The following CHD6 variants were observed in gnomAD, a reference collection of about 807,000 sequenced individuals.
The protein encoded by CHD6 is chromodomain helicase DNA binding protein 6.
Under a neutral mutation model 276.9 loss-of-function variants are expected in CHD6, and 50 were observed. That is an observed-to-expected ratio of 0.18 (90% CI 0.14 to 0.23). The LOEUF is 0.23. CHD6 is among the 10% of genes least tolerant of loss of function. The pLI is 1.00. For synonymous variants in CHD6, 1,173 were observed against 1,229.3 expected (o/e 0.95, Z 0.96); for missense variants, 2,564 against 3,365.8 (o/e 0.76, Z 5.89).
At chr20:41,422,218 C>A (rs1336134323) in intron 30 of CHD6, 139 bp from the exon 31 acceptor site, 3 of 769,222 alleles carry the variant, frequency 3.9e-6, no homozygotes, top group African/African-American at 1.8e-5. Flanking sequence ...TGAGCCCTTG[C>A]CAAAATAGGA....
At chr20:41,480,703 G>C (rs868682762) in intron 16 of CHD6, among the ~76,000 whole-genome samples, 1 of 152,094 alleles carries the variant, frequency 6.6e-6, no homozygotes, top group South Asian at 2.1e-4. Flanking sequence ...TTTAGATACA[G>C]CTATAAATAC....
At chr20:41,611,812 A>G (rs1338799505) in intron 1 of CHD6, among the ~76,000 whole-genome samples, 3 of 152,054 alleles carry the variant, frequency 2.0e-5, no homozygotes, top group African/African-American at 7.2e-5. Flanking sequence ...TAATTTTTGT[A>G]TTTTTAGTAG....
At chr20:41,541,044 A>AC (rs1197067447) in intron 2 of CHD6, among the ~76,000 whole-genome samples, 3 of 151,658 alleles carry the variant, frequency 2.0e-5, no homozygotes, top group African/African-American at 7.3e-5. Flanking sequence ...AAAAAAAAAA[A>AC]AACCCACATG....
chr20:41,551,382 G>T (rs45471600), intron 1 of CHD6, 22 bp from the exon 2 acceptor site: 24 of 1,142,714 alleles, frequency 2.1e-5, no homozygotes, highest in Non-Finnish European at 3.1e-5. Flanking sequence ...TTTTAAAAAG[G>T]CAAAGATTAT....
In CHD6 at chr20:41,403,169, A is replaced by G; in HGVS notation, c.*1424T>C. On this transcript the variant is annotated 3_prime_UTR_variant, in exon 37 of 37. Transcript: ENST00000373233. ...TGATAAATTAGCAAAACTGTAACAG[A>G]AAAAGTAAAAAATACAGTAAATTGT... 2.6e-6 allele frequency: 2 copies of G among 768,606 alleles called. No individual in the cohort carries two copies. Among genetic ancestry groups the G allele is most frequent in the Non-Finnish European group, 3.3e-6 (2 of 610,286 alleles). The allele number at this position is 768,606 out of a possible 1,614,324, so 47.6% of individuals were successfully genotyped here.
chr20:41,494,768 C>T (rs1355667245), intron 8 of CHD6, among the ~76,000 whole-genome samples: 1 of 152,152 alleles, frequency 6.6e-6, no homozygotes, highest in Non-Finnish European at 1.5e-5. Context: ...CTAATCAATG[C>T]AGGATACTTT....
intron 34 of CHD6, chr20:41,414,766 G>T: frequency 1.0e-6 from 1 of 1,001,716 alleles, no homozygotes. Context: ...AGTAAGTCAA[G>T]CAGAAGAGCC....
At chr20:41,556,549 T>C (rs1316689673) in intron 1 of CHD6, among the ~76,000 whole-genome samples, 1 of 151,898 alleles carries the variant, frequency 6.6e-6, no homozygotes, top group African/African-American at 2.4e-5. Flanking sequence ...AATGTGAAAA[T>C]ATCACATCAG....
intron 16 of CHD6, among the ~76,000 whole-genome samples, chr20:41,478,900 G>A (rs1489562472): frequency 2.0e-5 from 3 of 152,158 alleles, no homozygotes; most frequent in African/African-American, 4.8e-5. Context: ...AGATGTCAAC[G>A]TCAAACCTAC....
At chr20:41,559,821 C>G (rs1051662129) in intron 1 of CHD6, among the ~76,000 whole-genome samples, 4 of 151,936 alleles carry the variant, frequency 2.6e-5, no homozygotes, top group African/African-American at 9.7e-5. Flanking sequence ...CAGGTACCAA[C>G]AAAGAACCCC....
intron 36 of CHD6, among the ~76,000 whole-genome samples, chr20:41,411,438 G>C (rs778147029): frequency 9.2e-5 from 14 of 152,012 alleles, no homozygotes; most frequent in Non-Finnish European, 2.1e-4. Context: ...AAAGGCAAAA[G>C]TCCCCATGAG....
chr20:41,558,290 C>T (rs532371631), intron 1 of CHD6, among the ~76,000 whole-genome samples: 29 of 152,252 alleles, frequency 1.9e-4, no homozygotes, highest in South Asian at 6.2e-4. Context: ...GTAATGACGA[C>T]GAGACATGTG....
chr20:41,595,285 G>C (rs1393111632), intron 1 of CHD6, among the ~76,000 whole-genome samples: 1 of 152,218 alleles, frequency 6.6e-6, no homozygotes, highest in African/African-American at 2.4e-5. Context: ...CACCCTGGAA[G>C]TTGAAAGTGT....
chr20:41,556,583 G>C (rs532654487), intron 1 of CHD6, among the ~76,000 whole-genome samples: 3 of 152,170 alleles, frequency 2.0e-5, no homozygotes, highest in African/African-American at 7.2e-5. Flanking sequence ...CTGAGGCAGA[G>C]AGAATGTGCA....
At chr20:41,519,859 A>G (rs2044344111) in intron 3 of CHD6, among the ~76,000 whole-genome samples, 1 of 152,240 alleles carries the variant, frequency 6.6e-6, no homozygotes, top group Admixed American at 6.5e-5. Flanking sequence ...CTGCACAGCA[A>G]AAAAACTACC....
At chr20:41,419,381 A>C (rs1004670033) in intron 31 of CHD6, among the ~76,000 whole-genome samples, 1 of 151,596 alleles carries the variant, frequency 6.6e-6, no homozygotes, top group African/African-American at 2.4e-5. Flanking sequence ...GAAGTTCAAG[A>C]CCAGCCTGGC....
intron 2 of CHD6, among the ~76,000 whole-genome samples, chr20:41,546,047 C>T (rs1568692917): frequency 6.6e-6 from 1 of 152,056 alleles, no homozygotes; most frequent in Non-Finnish European, 1.5e-5. Context: ...TGGTTTGTAA[C>T]CAGGCTAGAA....
intron 1 of CHD6, among the ~76,000 whole-genome samples, chr20:41,573,374 A>G (rs1389888091): frequency 6.6e-6 from 1 of 152,252 alleles, no homozygotes; most frequent in Non-Finnish European, 1.5e-5. Flanking sequence ...TGAATGAATG[A>G]AGATCTTGAC....
chr20:41,406,173 CAT>C, intron 36 of CHD6, among the ~76,000 whole-genome samples: 1 of 152,272 alleles, frequency 6.6e-6, no homozygotes, highest in Admixed American at 6.5e-5. Flanking sequence ...GGGATGTGTA[CAT>C]GTTTGCTGAA....
Sources: gnomAD v4.1 joint callset for allele counts (sites outside exome capture counted in the v4.1 genomes callset) on GRCh38, gnomAD v4.1.1 for gene constraint, MANE v1.5 for transcripts, NCBI Gene and HGNC (gene_info 2026-07-23, HGNC 2026-07-21) for gene names.